ELF4: variants seen among roughly 807,000 people sequenced by gnomAD.
ELF4 encodes the protein E74 like ETS transcription factor 4.
Under a neutral mutation model 31.7 loss-of-function variants are expected in ELF4, and 10 were observed. That is an observed-to-expected ratio of 0.32 (90% CI 0.19 to 0.54). The LOEUF (loss-of-function observed/expected upper bound fraction) is 0.54, where lower values mean the gene tolerates loss of function less well. ELF4 is among the 20% of genes least tolerant of loss of function. The probability of loss-of-function intolerance (pLI) is 0.95; values close to 1 mark genes in which losing one functional copy is unlikely to be tolerated. For missense variants in ELF4, 418 were observed against 522.0 expected (o/e 0.80, Z 1.94); for synonymous variants, 208 against 226.7 (o/e 0.92, Z 0.74).
At chrX:130,093,718 G>T (rs1347299793) in intron 1 of ELF4, among the ~76,000 whole-genome samples, 2 of 112,089 alleles carry the variant, frequency 1.8e-5, no homozygotes, top group African/African-American at 6.5e-5. Context: ...TGGTTCGGGG[G>T]CCTCGTGGTG....
intron 1 of ELF4, among the ~76,000 whole-genome samples, chrX:130,092,587 T>G (rs1286597076): frequency 8.9e-6 from 1 of 112,282 alleles, no homozygotes; most frequent in Non-Finnish European, 1.9e-5. Flanking sequence ...AATGACTTTA[T>G]CACTTTACCT....
intron 1 of ELF4, among the ~76,000 whole-genome samples, chrX:130,093,218 T>C (rs1341846424): frequency 9.3e-6 from 1 of 107,292 alleles, no homozygotes; most frequent in Admixed American, 1.0e-4. Flanking sequence ...GGCAGGAGAA[T>C]TGCTTGAACC....
chrX:130,107,234 G>A (rs749517142), intron 1 of ELF4, among the ~76,000 whole-genome samples: 1 of 110,897 alleles, frequency 9.0e-6, no homozygotes, highest in East Asian at 2.8e-4. Context: ...ACCGAGATTG[G>A]GCCACTGCAC....
chrX:130,097,187 C>G (rs1933165182), intron 1 of ELF4, among the ~76,000 whole-genome samples: 1 of 107,017 alleles, frequency 9.3e-6, no homozygotes, highest in Non-Finnish European at 1.9e-5. Flanking sequence ...CCTGTAATCC[C>G]AACACTTTGG....
intron 2 of ELF4, among the ~76,000 whole-genome samples, chrX:130,080,854 C>G (rs958127744): frequency 1.8e-5 from 2 of 112,734 alleles, no homozygotes; most frequent in East Asian, 5.5e-4. Flanking sequence ...TGCTATGTGG[C>G]TGTCCCCACA....
rs112633757 is a variant in ELF4 at position 130,098,450 on chromosome X, G to C, written c.-210+11875C>G. On this transcript the variant is annotated intron_variant, in intron 1 of 8. Coordinates refer to ENST00000308167, the MANE Select transcript of ELF4 (RefSeq NM_001421.4). ...TATTTGTTTTTTACTGGAGAGCACT[G>C]TAAACACTCTAAGCTAAAGGTGGGG... 6.8e-3 allele frequency among the ~76,000 whole-genome samples: 760 copies of C among 111,592 alleles called. 1 individual carries two copies. The highest frequency in any genetic ancestry group is 0.028 in the Middle Eastern group (6 of 218).
intron 2 of ELF4, among the ~76,000 whole-genome samples, chrX:130,078,803 ACAC>A (rs1485745663): frequency 1.1e-4 from 12 of 106,910 alleles, no homozygotes; most frequent in African/African-American, 3.5e-4. Flanking sequence ...ACACACACAC[ACAC>A]AATTAGCCAG....
rs955778879 is a variant in ELF4 at position 130,078,712 on chromosome X, G to A, written c.75+2544C>T. On this transcript the variant is annotated intron_variant, in intron 2 of 8. Coordinates refer to ENST00000308167, the MANE Select transcript of ELF4 (RefSeq NM_001421.4). ...ATGGAGATTGCAGTGAGCCGAGATC[G>A]TGCCATTGCACTCTAGCCTGAGCAA... 3.7e-5 allele frequency among the ~76,000 whole-genome samples: 4 copies of A among 108,595 alleles called. 1 individual carries two copies. Among genetic ancestry groups the A allele is most frequent in the Non-Finnish European group, 7.7e-5 (4 of 52,244 alleles). 94.3% of individuals were successfully genotyped at this position (108,595 alleles called of 115,157 possible).
intron 1 of ELF4, among the ~76,000 whole-genome samples, chrX:130,098,579 T>A (rs1254663263): frequency 9.0e-6 from 1 of 111,198 alleles, no homozygotes; most frequent in Non-Finnish European, 1.9e-5. Context: ...GCCTCATGGG[T>A]CCCAAGCTGT....
Position 130,091,555 on chromosome X carries a change from T to C in ELF4, c.-209-10016A>G, listed in dbSNP as rs758289581. 8.0e-5 allele frequency among the ~76,000 whole-genome samples: 9 copies of C among 112,649 alleles called. No homozygotes were observed. The East Asian group carries it at 1.9e-3, about 24-fold the overall frequency. On this transcript the variant is annotated intron_variant, in intron 1 of 8. Transcript: ENST00000308167. ...CTCACACCTCCACCTCCCAAAGTGC[T>C]GGGATTACAGGCGTGAGCCACCACA...
intron 1 of ELF4, among the ~76,000 whole-genome samples, chrX:130,103,425 A>G (rs1933320857): frequency 8.9e-6 from 1 of 112,697 alleles, no homozygotes; most frequent in South Asian, 3.6e-4. Context: ...CAACTATATG[A>G]AAAGATGTTC....
chrX:130,078,438 T>C (rs1292293166), intron 2 of ELF4, among the ~76,000 whole-genome samples: 2 of 109,440 alleles, frequency 1.8e-5, no homozygotes, highest in Non-Finnish European at 3.8e-5. Context: ...CTGGGCAACA[T>C]TGTGAGACCC....
chrX:130,089,524 A>AC (rs1191507981), intron 1 of ELF4, among the ~76,000 whole-genome samples: 1 of 103,926 alleles, frequency 9.6e-6, no homozygotes, highest in Non-Finnish European at 2.0e-5. Context: ...AAAAAAAAAA[A>AC]AAAAAAAAAA....
Position 130,066,667 on chromosome X carries a change from T to C in ELF4, c.*54A>G. 1 of 1,160,722 alleles carries C rather than the reference T, an allele frequency of 8.6e-7. No individual in the cohort carries two copies. The highest frequency in any genetic ancestry group is 1.2e-6 in the Non-Finnish European group (1 of 853,031). ...GGTGTGCTACTGAAGTCGGTCCCTA[T>C]GAAAATGCTGCTCAATTTTGCCTGG... On this transcript the variant is annotated 3_prime_UTR_variant, in exon 9 of 9. Coordinates refer to ENST00000308167, the MANE Select transcript of ELF4 (RefSeq NM_001421.4).
At chrX:130,091,942 T>G (rs1933065189) in intron 1 of ELF4, among the ~76,000 whole-genome samples, 1 of 112,129 alleles carries the variant, frequency 8.9e-6, no homozygotes, top group Admixed American at 9.4e-5. Flanking sequence ...AAGGGTCCTC[T>G]GCCCAGCTGT....
At chrX:130,078,509 A>G (rs57813078) in intron 2 of ELF4, among the ~76,000 whole-genome samples, 38,119 of 108,174 alleles carry the variant, frequency 0.35, 5,428 homozygotes, top group African/African-American at 0.49. Flanking sequence ...TGTAATCCCA[A>G]CACTTTGGGA....
intron 1 of ELF4, among the ~76,000 whole-genome samples, chrX:130,097,428 CTG>C (rs1423690601): frequency 9.1e-6 from 1 of 109,561 alleles, no homozygotes; most frequent in Non-Finnish European, 1.9e-5. Flanking sequence ...CAGTGCAAGA[CTG>C]TCTCAAAAAA....
intron 4 of ELF4, among the ~76,000 whole-genome samples, chrX:130,073,714 G>A (rs1260240266): frequency 9.9e-5 from 11 of 110,858 alleles, no homozygotes; most frequent in African/African-American, 2.6e-4. Context: ...GTTTCACCGT[G>A]TTGGTCAGGC....
intron 3 of ELF4, 125 bp from the exon 4 acceptor site, chrX:130,074,266 T>C: frequency 1.3e-6 from 1 of 756,662 alleles, no homozygotes; most frequent in Non-Finnish European, 2.0e-6. Flanking sequence ...GGGCTGACCC[T>C]GAAGTGAGTG....
Sources: gnomAD v4.1 joint callset for allele counts (sites outside exome capture counted in the v4.1 genomes callset) on GRCh38, gnomAD v4.1.1 for gene constraint, MANE v1.5 for transcripts, NCBI Gene and HGNC (gene_info 2026-07-23, HGNC 2026-07-21) for gene names.